Variants in PPP1R12A observed in about 807,000 individuals in gnomAD.
PPP1R12A encodes the protein protein phosphatase 1 regulatory subunit 12A, also known as myosin binding subunit.
A neutral mutation model predicts 139.6 loss-of-function variants in PPP1R12A; 19 were observed. That is an observed-to-expected ratio of 0.14 (90% CI 0.09 to 0.20). PPP1R12A has a LOEUF of 0.20. Among genes scored for constraint, PPP1R12A ranks in the 10% least tolerant of loss-of-function variants. The pLI is 1.00. For missense variants in PPP1R12A, 925 were observed against 1,211.5 expected (o/e 0.76, Z 3.51); for synonymous variants, 427 against 420.6 (o/e 1.02, Z -0.19).
chr12:79,862,633 G>A (rs1263251166), intron 2 of PPP1R12A, among the ~76,000 whole-genome samples: 1 of 152,132 alleles, frequency 6.6e-6, no homozygotes, highest in Non-Finnish European at 1.5e-5. Flanking sequence ...ATGACCTGAT[G>A]GAGCTGAAAA....
chr12:79,831,955 A>G (rs11114255), intron 4 of PPP1R12A, among the ~76,000 whole-genome samples: 5,638 of 152,244 alleles, frequency 0.037, 352 homozygotes, highest in African/African-American at 0.13. Context: ...GCAGGAATCA[A>G]GCTCTCAAAA....
chr12:79,778,774 T>C, intron 23 of PPP1R12A, 174 bp from the exon 24 acceptor site: 1 of 421,836 alleles, frequency 2.4e-6, no homozygotes, highest in South Asian at 6.2e-5. Context: ...AAAATAAATA[T>C]GAAGATCTTT....
chr12:79,875,572 T>C (rs1195547456), intron 1 of PPP1R12A, among the ~76,000 whole-genome samples: 4 of 152,260 alleles, frequency 2.6e-5, no homozygotes, highest in African/African-American at 7.2e-5. Flanking sequence ...ATTATCTCTG[T>C]ACTCTAAAAG....
chr12:79,780,510 ATAATT>A (rs1375723135), intron 23 of PPP1R12A: 3 of 152,224 alleles, frequency 2.0e-5, no homozygotes, highest in African/African-American at 7.2e-5. Context: ...CAGATTACAG[ATAATT>A]TAATATTGTC....
chr12:79,906,540 G>GA (rs1166109153), intron 1 of PPP1R12A, among the ~76,000 whole-genome samples: 7 of 151,870 alleles, frequency 4.6e-5, no homozygotes, highest in Admixed American at 3.3e-4. Context: ...CCAATATCAG[G>GA]AAAAAAAGCA....
At chr12:79,935,109 C>A, upstream of PPP1R12A, 1 of 1,363,822 alleles carries the variant, frequency 7.3e-7, no homozygotes, top group Non-Finnish European at 9.4e-7. Context: ...GGGCGGCGCA[C>A]CCGGCCGAGC....
chr12:79,933,228 A>G (rs570852062), intron 1 of PPP1R12A, among the ~76,000 whole-genome samples: 4 of 152,326 alleles, frequency 2.6e-5, no homozygotes, highest in South Asian at 2.1e-4. Context: ...TTTTAATTCC[A>G]TATTTGTCCT....
chr12:79,815,137 T>A (rs960687858), intron 9 of PPP1R12A, among the ~76,000 whole-genome samples: 1 of 152,166 alleles, frequency 6.6e-6, no homozygotes, highest in Non-Finnish European at 1.5e-5. Flanking sequence ...TACATTGCCA[T>A]AAATGTTGGC....
intron 3 of PPP1R12A, among the ~76,000 whole-genome samples, chr12:79,844,103 T>C (rs191453671): frequency 8.5e-5 from 13 of 152,276 alleles, no homozygotes; most frequent in Non-Finnish European, 1.5e-5. Flanking sequence ...TAGAATTCAA[T>C]GGTTTTTTTT....
chr12:79,934,570 T>G (rs1178865263), intron 1 of PPP1R12A, 125 bp downstream of exon 1: 1 of 899,350 alleles, frequency 1.1e-6, no homozygotes, highest in African/African-American at 1.7e-5. Context: ...AACCGCCCCC[T>G]CACCCCGCAG....
intron 1 of PPP1R12A, among the ~76,000 whole-genome samples, chr12:79,925,816 A>G (rs577303869): frequency 6.6e-6 from 1 of 152,360 alleles, no homozygotes; most frequent in African/African-American, 2.4e-5. Flanking sequence ...ACTGACATAG[A>G]GGGAGCCATA....
chr12:79,820,371 T>G (rs1053762912), intron 8 of PPP1R12A, among the ~76,000 whole-genome samples: 1 of 151,876 alleles, frequency 6.6e-6, no homozygotes, highest in African/African-American at 2.4e-5. Context: ...CAGGAAAGAG[T>G]TTTTACTCCA....
chr12:79,850,754 C>T (rs1270997180), intron 2 of PPP1R12A, among the ~76,000 whole-genome samples: 1 of 152,080 alleles, frequency 6.6e-6, no homozygotes, highest in African/African-American at 2.4e-5. Flanking sequence ...TAGCACCATC[C>T]TCTTAGTGCT....
chr12:79,798,761 TG>T (rs1373671999), intron 14 of PPP1R12A, among the ~76,000 whole-genome samples, 177 bp from the exon 15 acceptor site: 1 of 152,194 alleles, frequency 6.6e-6, no homozygotes, highest in Non-Finnish European at 1.5e-5. Context: ...CTTTTTAGAT[TG>T]GAACTAGTTA....
rs1869586635 is a variant in PPP1R12A at position 79,775,082 on chromosome 12, A to C, written c.*847T>G. On this transcript the variant is annotated 3_prime_UTR_variant, in exon 25 of 25. Coordinates refer to ENST00000450142, the MANE Select transcript of PPP1R12A (RefSeq NM_002480.3). ...ATGCCATGTGGTGGTCTAAAAATCA[A>C]AACAATACACTTATTTGTATATACA... 1 of 152,572 alleles carries C rather than the reference A, an allele frequency of 6.6e-6. No homozygotes were observed. The highest frequency in any genetic ancestry group is 1.5e-5 in the Non-Finnish European group (1 of 67,978). The allele number at this position is 152,572 out of a possible 1,614,324, so 9.5% of individuals were successfully genotyped here.
At chr12:79,879,740 G>A (rs759166160) in intron 1 of PPP1R12A, among the ~76,000 whole-genome samples, 3 of 152,152 alleles carry the variant, frequency 2.0e-5, no homozygotes, top group South Asian at 2.1e-4. Flanking sequence ...GGGGCTTTCC[G>A]GACAGTTGGA....
upstream of PPP1R12A, chr12:79,935,253 G>T: frequency 1.2e-5 from 14 of 1,141,742 alleles, no homozygotes; most frequent in Non-Finnish European, 1.5e-5. Context: ...CCCTGGGCCT[G>T]TGCCCGCCCC....
chr12:79,935,254 T>C (rs1888580671), upstream of PPP1R12A: 1 of 1,121,222 alleles, frequency 8.9e-7, no homozygotes, highest in African/African-American at 1.6e-5. Flanking sequence ...CCTGGGCCTG[T>C]GCCCGCCCCA....
intron 1 of PPP1R12A, among the ~76,000 whole-genome samples, chr12:79,873,496 T>TAAAAAA (rs35604870): frequency 2.2e-5 from 3 of 134,802 alleles, no homozygotes; most frequent in Admixed American, 1.5e-4. Flanking sequence ...ACTCATAATT[T>TAAAAAA]AAAAAAAAAA....
Sources: allele counts gnomAD v4.1 joint callset (sites outside exome capture counted in the v4.1 genomes callset), GRCh38; gene constraint gnomAD v4.1.1; transcripts MANE v1.5; gene names NCBI Gene and HGNC (gene_info 2026-07-23, HGNC 2026-07-21).